The following SEPTIN6 variants were observed in gnomAD, a reference collection of about 807,000 sequenced individuals.
The protein encoded by SEPTIN6 is septin-6.
A neutral mutation model predicts 33.6 loss-of-function variants in SEPTIN6; 8 were observed. The ratio of observed to expected loss-of-function variants is 0.24; its 90% confidence interval spans 0.14 to 0.43. The LOEUF is 0.43. Ranked by LOEUF, SEPTIN6 falls within the 20% of genes least tolerant of loss-of-function variation. SEPTIN6 has a pLI of 1.00. For synonymous variants in SEPTIN6, 131 were observed against 140.0 expected (o/e 0.94, Z 0.45); for missense variants, 250 against 340.8 (o/e 0.73, Z 2.10).
Position 119,618,273 on chromosome X carries a change from C to T in SEPTIN6, c.*1820G>A. ...AATTTTCCCAAGAAACTGGCTTGTG[C>T]TTTGGCAGCATCACCTTCATACTTG... On this transcript the variant is annotated 3_prime_UTR_variant, in exon 11 of 11. Coordinates refer to ENST00000394610, the MANE Select transcript of SEPTIN6 (RefSeq NM_145799.4). 1.2e-6 allele frequency: 1 copy of T among 802,893 alleles called. No homozygotes were observed. The highest frequency in any genetic ancestry group is 1.5e-6 in the Non-Finnish European group (1 of 670,706). The allele number at this position is 802,893 out of a possible 1,213,427, so 66.2% of individuals were successfully genotyped here.
At position 119,650,048 on chromosome X, in the gene SEPTIN6, C is replaced by A; in HGVS notation, c.579G>T (p.Glu193Asp). The A allele has an allele frequency of 8.3e-7, 1 of 1,211,355 alleles. No homozygotes were observed. The highest frequency in any genetic ancestry group is 1.1e-6 in the Non-Finnish European group (1 of 895,255). Residue 193 changes from glutamate to aspartate, a missense_variant, in exon 5 of 11, where the codon GAG becomes GAT. Physicochemically the swap from Glu to Asp is conservative, Grantham distance 45 (BLOSUM62 2). Transcript: ENST00000394610. ...IAKADAISKS[E>D]LTKFKIKITS... Reference sequence around the variant, plus strand: ...TGATTTTGATTTTGAACTTTGTTAGCTCACTCTTCGAAATGGCATCTGCTT... The same window carrying A: ...TGATTTTGATTTTGAACTTTGTTAGATCACTCTTCGAAATGGCATCTGCTT...
At chrX:119,634,678 T>C (rs2054025945) in intron 7 of SEPTIN6, among the ~76,000 whole-genome samples, 1 of 111,173 alleles carries the variant, frequency 9.0e-6, no homozygotes, top group Non-Finnish European at 1.9e-5. Flanking sequence ...GGCTGTGCTG[T>C]GGGAAGGATA....
chrX:119,689,663 A>G (rs1274754380), intron 1 of SEPTIN6, among the ~76,000 whole-genome samples: 1 of 109,138 alleles, frequency 9.2e-6, no homozygotes, highest in Non-Finnish European at 1.9e-5. Context: ...TTTTTAGTAG[A>G]GATGAGATTT....
At chrX:119,679,726 C>T (rs1452565076) in intron 1 of SEPTIN6, among the ~76,000 whole-genome samples, 2 of 111,072 alleles carry the variant, frequency 1.8e-5, no homozygotes, top group African/African-American at 3.3e-5. Context: ...GGCGTGGTGG[C>T]GGGAGCCTGT....
rs1404012680 is a variant in SEPTIN6, at chrX:119,619,169, TCA to T, written c.*922_*923del. 2 of 837,024 alleles carry T rather than the reference TCA, an allele frequency of 2.4e-6. No homozygotes were observed. The highest frequency in any genetic ancestry group is 4.3e-5 in the African/African-American group (2 of 46,672). The allele number at this position is 837,024 out of a possible 1,213,427, so 69.0% of individuals were successfully genotyped here. A position where few individuals can be genotyped will look rare whatever the true frequency, so the allele number is the denominator to read the frequency against. ...CCAAACACTTGATTCTTTTGACAGC[TCA>T]GTTTTCCAGCCTACAAAGTGGGATT... On this transcript the variant is annotated 3_prime_UTR_variant, in exon 11 of 11. Coordinates refer to ENST00000394610, the MANE Select transcript of SEPTIN6 (RefSeq NM_145799.4).
chrX:119,629,169 G>A, intron 9 of SEPTIN6, 149 bp downstream of exon 9: 1 of 513,471 alleles, frequency 1.9e-6, no homozygotes, highest in Non-Finnish European at 3.2e-6. Context: ...CAGGGATGCT[G>A]GGACCAGTTA....
intron 2 of SEPTIN6, among the ~76,000 whole-genome samples, chrX:119,667,832 T>C (rs1388155583): frequency 1.8e-5 from 2 of 110,552 alleles, no homozygotes; most frequent in Admixed American, 1.9e-4. Flanking sequence ...TTCTCACTCC[T>C]CCTCCCCCAG....
chrX:119,658,113 C>T (rs111549706), intron 3 of SEPTIN6, among the ~76,000 whole-genome samples: 1 of 111,812 alleles, frequency 8.9e-6, no homozygotes, highest in Non-Finnish European at 1.9e-5. Flanking sequence ...GGCAACAGTG[C>T]GAAAGTCCGT....
At chrX:119,636,107 A>T (rs937937050) in intron 7 of SEPTIN6, among the ~76,000 whole-genome samples, 1 of 111,541 alleles carries the variant, frequency 9.0e-6, no homozygotes, top group African/African-American at 3.3e-5. Flanking sequence ...ACCTGTCAGT[A>T]TATAGGGCAT....
chrX:119,667,430 G>A (rs1039165695), intron 2 of SEPTIN6, among the ~76,000 whole-genome samples: 1 of 111,481 alleles, frequency 9.0e-6, no homozygotes, highest in Non-Finnish European at 1.9e-5. Flanking sequence ...GCACAAAAGC[G>A]CTGTGGAAAT....
chrX:119,667,851 G>A (rs1164090069), intron 2 of SEPTIN6, among the ~76,000 whole-genome samples: 1 of 111,385 alleles, frequency 9.0e-6, no homozygotes, highest in Non-Finnish European at 1.9e-5. Context: ...AGCCCTCCCA[G>A]GGCTCCTCCA....
intron 1 of SEPTIN6, among the ~76,000 whole-genome samples, chrX:119,679,437 G>A (rs1157019760): frequency 1.8e-5 from 2 of 111,535 alleles, no homozygotes; most frequent in Middle Eastern, 4.2e-3. Flanking sequence ...GACATAGGAG[G>A]AGATGACTCC....
rs757850198 is a variant in SEPTIN6, at chrX:119,683,175, C to T, written c.31-7507G>A. Among the ~76,000 whole-genome samples, 9 of 112,699 alleles carry T rather than the reference C, an allele frequency of 8.0e-5. 1 individual carries two copies. In the South Asian group the frequency reaches 2.5e-3, roughly 31 times the overall value. ...GGCTGAGGCAGGAGAATCGCTTGAA[C>T]GCAGGAGGCGGAGGTTGCAATGAGC... On this transcript the variant is annotated intron_variant, in intron 1 of 10. Transcript: ENST00000394610.
At chrX:119,681,474 G>A (rs2054958498) in intron 1 of SEPTIN6, among the ~76,000 whole-genome samples, 1 of 110,483 alleles carries the variant, frequency 9.1e-6, no homozygotes, top group Non-Finnish European at 1.9e-5. Flanking sequence ...ATTTTAAATT[G>A]CACTTCTCTC....
Position 119,619,742 on chromosome X carries a change from A to G in SEPTIN6, c.*351T>C, listed in dbSNP as rs1020895387. 97 of 977,178 alleles carry G rather than the reference A, an allele frequency of 9.9e-5. No homozygotes were observed. Among genetic ancestry groups the G allele is most frequent in the Non-Finnish European group, 1.2e-4 (94 of 777,794 alleles). The allele number at this position is 977,178 out of a possible 1,213,427, so 80.5% of individuals were successfully genotyped here. On this transcript the variant is annotated 3_prime_UTR_variant, in exon 11 of 11. Coordinates refer to ENST00000394610, the MANE Select transcript of SEPTIN6 (RefSeq NM_145799.4). ...AACTGGAACAGGGGAGCTGGTGGGA[A>G]AGAGTAGCAGATGGGCCCCCTGACC...
intron 1 of SEPTIN6, chrX:119,686,626 C>T (rs2055060734): frequency 1.0e-6 from 1 of 967,514 alleles, no homozygotes; most frequent in Non-Finnish European, 1.3e-6. Context: ...CAAATCCCAG[C>T]AGCAGAAGCC....
intron 3 of SEPTIN6, among the ~76,000 whole-genome samples, chrX:119,659,338 C>G (rs970067696): frequency 9.0e-6 from 1 of 111,676 alleles, no homozygotes; most frequent in Non-Finnish European, 1.9e-5. Flanking sequence ...CCTTTACATG[C>G]TTACTTTCCA....
chrX:119,620,565 C>T (rs1417489129), intron 10 of SEPTIN6, among the ~76,000 whole-genome samples: 5 of 109,924 alleles, frequency 4.5e-5, no homozygotes, highest in East Asian at 2.8e-4. Context: ...ATGATCTGCC[C>T]GCCTTGGCCT....
intron 5 of SEPTIN6, among the ~76,000 whole-genome samples, chrX:119,648,194 T>C (rs1913105381): frequency 9.1e-6 from 1 of 109,971 alleles, no homozygotes; most frequent in Non-Finnish European, 1.9e-5. Context: ...CCCAGGATGA[T>C]TATCACTCCT....
Sources: gnomAD v4.1 joint callset for allele counts (sites outside exome capture counted in the v4.1 genomes callset) on GRCh38, gnomAD v4.1.1 for gene constraint, MANE v1.5 for transcripts, NCBI Gene and HGNC (gene_info 2026-07-23, HGNC 2026-07-21) for gene names.